The following CPNE7 variants were observed in gnomAD, a reference collection of about 807,000 sequenced individuals.
The protein encoded by CPNE7 is copine-7.
CPNE7 carries 78 observed loss-of-function variants against 66.5 expected under a neutral mutation model. The observed-to-expected ratio is 1.17, with a 90% CI of 0.98 to 1.42. CPNE7 has a LOEUF of 1.42. Ranked by LOEUF, CPNE7 falls within the 40% of genes most tolerant of loss-of-function variation. CPNE7 has a pLI of 0.00. For missense variants in CPNE7, 1,012 were observed against 776.6 expected, an observed-to-expected ratio of 1.30 and a Z score of -3.60; for synonymous variants, 468 against 336.7, an observed-to-expected ratio of 1.39 and a Z score of -4.27.
chr16:89,586,560 C>T (rs576862214), intron 7 of CPNE7, 110 bp from the exon 8 acceptor site: 74 of 837,206 alleles, frequency 8.8e-5, no homozygotes, highest in Non-Finnish European at 1.4e-4. Context: ...CCCTCCCCTC[C>T]CCACCACGGG....
intron 9 of CPNE7, among the ~76,000 whole-genome samples, chr16:89,587,915 G>A (rs1207251356): frequency 6.5e-5 from 3 of 45,900 alleles, no homozygotes; most frequent in Non-Finnish European, 1.3e-4. Context: ...CACGGCCCCC[G>A]TGTCACCCGC....
At chr16:89,594,745 A>G (rs994527646) in intron 13 of CPNE7, among the ~76,000 whole-genome samples, 2 of 136,008 alleles carry the variant, frequency 1.5e-5, no homozygotes, top group South Asian at 2.3e-4. Flanking sequence ...TCTGCCTCCC[A>G]AGTTCAAGCG....
chr16:89,587,757 CCGCG>C, intron 9 of CPNE7: 1 of 103,886 alleles, frequency 9.6e-6, no homozygotes, highest in South Asian at 9.1e-5. Flanking sequence ...CCCGTGTCAC[CCGCG>C]TGTCACCCAC....
rs1278775445 is a variant in CPNE7 at position 89,596,608 on chromosome 16, G to A, written c.1664G>A (p.Gly555Asp). The stretch of plus-strand genomic sequence containing the variant: ...GTCCCTGCCGGAGAGGCCAGCCCAG[G>A]CTGCACACCGTGAAGATGTGGAGGG... ...LGVPAGEASP[G>D]CTP Residue 555 changes from glycine (G) to aspartate (D), a missense_variant, in exon 15 of 15, where the codon GGC becomes GAC. By Grantham distance (94) the Gly-to-Asp change is moderately conservative. Transcript: ENST00000319518. 6.2e-7 allele frequency: 1 copy of A among 1,603,056 alleles called. No individual in the cohort carries two copies. Among genetic ancestry groups the A allele is most frequent in the East Asian group, 2.2e-5 (1 of 44,782 alleles).
At chr16:89,580,667 TCCCATCA>T (rs1396827499) in intron 2 of CPNE7, among the ~76,000 whole-genome samples, 1 of 113,108 alleles carries the variant, frequency 8.8e-6, no homozygotes, top group African/African-American at 3.5e-5. Context: ...ACATGGAACA[TCCCATCA>T]CCCATCACAC....
chr16:89,576,337 C>G (rs1233244140), intron 1 of CPNE7, among the ~76,000 whole-genome samples: 3 of 151,784 alleles, frequency 2.0e-5, no homozygotes, highest in Non-Finnish European at 4.4e-5. Context: ...AGGGGTGCGG[C>G]CCAGGGTTCG....
In CPNE7 at chr16:89,594,563, G is replaced by T. The variant is rs1221695912; in HGVS notation, c.1303-804G>T. Among the ~76,000 whole-genome samples, 7 of 148,984 alleles carry T rather than the reference G, an allele frequency of 4.7e-5. No homozygotes were observed. In the Admixed American group the frequency reaches 4.7e-4, roughly 10 times the overall value. On this transcript the variant is annotated intron_variant, in intron 13 of 14. Coordinates refer to ENST00000319518, the MANE Select transcript of CPNE7 (RefSeq NM_153636.3). ...CCTGCTTCTCTTTATGTTTCCCGTT[G>T]TCCACAGTTTGGGCAAGATTATTGA...
At chr16:89,593,182 G>A (rs1352116346) in intron 13 of CPNE7, among the ~76,000 whole-genome samples, 2 of 151,838 alleles carry the variant, frequency 1.3e-5, no homozygotes, top group African/African-American at 4.8e-5. Flanking sequence ...AACATCACCC[G>A]TCTACTTACA....
rs796366242 is a variant in CPNE7, at chr16:89,587,983, C to T, written c.928-692C>T. 3.6e-4 allele frequency among the ~76,000 whole-genome samples: 4 copies of T among 11,042 alleles called. 1 individual carries two copies. Among genetic ancestry groups the T allele is most frequent in the Non-Finnish European group, 7.7e-4 (2 of 2,600 alleles). The allele number at this position is 11,042 out of a possible 152,430, so 7.2% of individuals were successfully genotyped here. On this transcript the variant is annotated intron_variant, in intron 9 of 14. Coordinates refer to ENST00000319518, the MANE Select transcript of CPNE7 (RefSeq NM_153636.3). ...ACCCACAGATACACGGCCCCCGTGTCACCCACAGATACACGGCCCCCCGTG... is the reference window on the plus strand; with the variant it reads ...ACCCACAGATACACGGCCCCCGTGTTACCCACAGATACACGGCCCCCCGTG...
chr16:89,584,024 C>G lies in CPNE7; in HGVS notation c.433-4C>G. ...AGCCTGGAGCCCGGGCGTCCCCCTG[C>G]CAGGTGATCGCCGAGGACATCTCGG... On this transcript the variant is annotated splice_region_variant and splice_polypyrimidine_tract_variant and intron_variant, in intron 3 of 14. Coordinates refer to ENST00000319518, the MANE Select transcript of CPNE7 (RefSeq NM_153636.3). The surrounding 1 kb of genome is among the most constrained non-coding windows in gnomAD (Gnocchi z 6.0). 1 of 1,611,896 alleles carries G rather than the reference C, an allele frequency of 6.2e-7. No individual in the cohort carries two copies. The highest frequency in any genetic ancestry group is 8.5e-7 in the Non-Finnish European group (1 of 1,179,552).
chr16:89,596,671 C>G lies in CPNE7; in HGVS notation c.*50C>G, dbSNP rs747163139. On this transcript the variant is annotated 3_prime_UTR_variant, in exon 15 of 15. Transcript: ENST00000319518. ...GCAGTGAGGAATGGGTCCGTACAGC[C>G]TCTGTCTGCAACATGCTTGGGGTCC... 3 of 1,503,450 alleles carry G rather than the reference C, an allele frequency of 2.0e-6. No homozygotes were observed. In the Admixed American group the frequency reaches 6.5e-5, roughly 33 times the overall value. The allele number at this position is 1,503,450 out of a possible 1,614,324, so 93.1% of individuals were successfully genotyped here. A position where few individuals can be genotyped will look rare whatever the true frequency, so the allele number is the denominator to read the frequency against.
At position 89,576,067 on chromosome 16, in the gene CPNE7, T is replaced by C; in HGVS notation, c.170T>C (p.Val57Ala). The change falls in exon 1 of 15, where the codon GTG becomes GCG. Residue 57 changes from valine to alanine, a missense_variant. By Grantham distance (64) the Val-to-Ala change is moderately conservative. Transcript: ENST00000319518. ...ALLQQAQGQW[V>A]QVGRTEVVRS... ...CTGCAGCAGGCGCAGGGCCAGTGGG[T>C]GCAGGTAGGGCCGGGGCGTGGGAGG... 7.8e-7 allele frequency: 1 copy of C among 1,285,220 alleles called. No homozygotes were observed. Among genetic ancestry groups the C allele is most frequent in the Non-Finnish European group, 9.8e-7 (1 of 1,016,448 alleles). 79.6% of individuals were successfully genotyped at this position (1,285,220 alleles called of 1,614,324 possible). A position where few individuals can be genotyped will look rare whatever the true frequency, so the allele number is the denominator to read the frequency against.
rs753060922 is a variant in CPNE7 at position 89,591,280 on chromosome 16, G to A, written c.1302+20G>A. 12 of 1,547,646 alleles carry A rather than the reference G, an allele frequency of 7.8e-6. No homozygotes were observed. The South Asian group carries it at 1.3e-4, about 17-fold the overall frequency. The stretch of plus-strand genomic sequence containing the variant: ...GCCTCTGTAGGTGCCCGGGGGGTGT[G>A]GTGCATGCTTGGTGTGGGGTCGGCT... On this transcript the variant is annotated intron_variant, in intron 13 of 14. Coordinates refer to ENST00000319518, the MANE Select transcript of CPNE7 (RefSeq NM_153636.3).
At chr16:89,596,429 CG>C (rs2059256197) in intron 14 of CPNE7, 54 bp from the exon 15 acceptor site, 2 of 1,555,194 alleles carry the variant, frequency 1.3e-6, no homozygotes, top group African/African-American at 2.7e-5. Context: ...GTTGCAGGGA[CG>C]GATGATCTCC....
At position 89,577,651 on chromosome 16, in the gene CPNE7, C is replaced by T. The variant is rs200668535; in HGVS notation, c.287C>T (p.Thr96Met). ...AGGCTGCGCTTTGAGGTGTACGACA[C>T]GCATGGGCCCAGCGGCTTCAGCTGT... ...VQRLRFEVYD[T>M]HGPSGFSCQE... The change falls in exon 2 of 15, where the codon ACG becomes ATG. Residue 96 changes from threonine (T) to methionine (M), a missense_variant. Coordinates refer to ENST00000319518, the MANE Select transcript of CPNE7 (RefSeq NM_153636.3). The T allele has an allele frequency of 1.1e-5, 18 of 1,593,668 alleles. No homozygotes were observed. Among genetic ancestry groups the T allele is most frequent in the African/African-American group, 6.7e-5 (5 of 74,636 alleles).
chr16:89,576,847 G>C (rs2058868433), intron 1 of CPNE7, among the ~76,000 whole-genome samples: 1 of 152,152 alleles, frequency 6.6e-6, no homozygotes, highest in Non-Finnish European at 1.5e-5. Context: ...TCCACCTTGA[G>C]GGTGAAGGGC....
At chr16:89,576,106 G>C (rs2058855212) in intron 1 of CPNE7, 35 bp downstream of exon 1, 3 of 1,239,794 alleles carry the variant, frequency 2.4e-6, no homozygotes, top group African/African-American at 1.6e-5. Flanking sequence ...AGAGGCCACC[G>C]GGCCGGGGCT....
chr16:89,588,592 T>G, intron 9 of CPNE7, 83 bp from the exon 10 acceptor site: 1 of 1,572,566 alleles, frequency 6.4e-7, no homozygotes, highest in Non-Finnish European at 8.6e-7. Context: ...TCCTGGCCAC[T>G]CTGGGCGTGG....
At position 89,584,020 on chromosome 16, in the gene CPNE7, CCT is replaced by C; in HGVS notation, c.433-7_433-6del. On this transcript the variant is annotated splice_polypyrimidine_tract_variant and splice_region_variant and intron_variant, in intron 3 of 14. Coordinates refer to ENST00000319518, the MANE Select transcript of CPNE7 (RefSeq NM_153636.3). This position sits in a 1 kb window ranked among gnomAD's most constrained non-coding sequence, Gnocchi z 6.0. ...GCCAAGCCTGGAGCCCGGGCGTCCC[CCT>C]GCCAGGTGATCGCCGAGGACATCTC... 1 of 1,611,902 alleles carries C rather than the reference CCT, an allele frequency of 6.2e-7. No individual in the cohort carries two copies. Among genetic ancestry groups the C allele is most frequent in the South Asian group, 1.1e-5 (1 of 91,042 alleles).
Sources: allele counts gnomAD v4.1 joint callset (sites outside exome capture counted in the v4.1 genomes callset), GRCh38; gene constraint gnomAD v4.1.1; non-coding constraint Gnocchi (gnomAD v3.1); transcripts MANE v1.5; gene names NCBI Gene and HGNC (gene_info 2026-07-23, HGNC 2026-07-21).